GOLM2: variants seen among roughly 807,000 people sequenced by gnomAD.
The protein encoded by GOLM2 is golgi membrane protein 2.
GOLM2 carries 26 observed loss-of-function variants against 55.9 expected under a neutral mutation model. That is an observed-to-expected ratio of 0.47 (90% CI 0.34 to 0.65). GOLM2 has a LOEUF of 0.65. GOLM2 is among the 30% of genes least tolerant of loss of function. The pLI is 0.01. For missense variants in GOLM2, 486 were observed against 531.8 expected (o/e 0.91, Z 0.85); for synonymous variants, 165 against 194.6 (o/e 0.85, Z 1.27).
At chr15:44,332,205 G>T (rs769545205) in intron 4 of GOLM2, 127 bp downstream of exon 4, 15 of 558,284 alleles carry the variant, frequency 2.7e-5, no homozygotes, top group Middle Eastern at 4.9e-4. Context: ...AATTCCAAAA[G>T]TGATTTACAA....
intron 9 of GOLM2, among the ~76,000 whole-genome samples, chr15:44,404,180 A>G (rs2079583395): frequency 6.6e-6 from 1 of 152,180 alleles, no homozygotes; most frequent in Non-Finnish European, 1.5e-5. Context: ...TATGTGATAC[A>G]TGGAAATTTT....
At chr15:44,351,526 G>A (rs1246354320) in intron 6 of GOLM2, among the ~76,000 whole-genome samples, 1 of 141,598 alleles carries the variant, frequency 7.1e-6, no homozygotes, top group Non-Finnish European at 1.5e-5. Context: ...GCAGTGAGCT[G>A]AGATTGCGCC....
intron 6 of GOLM2, among the ~76,000 whole-genome samples, chr15:44,373,070 GTTTA>G (rs1306207624): frequency 1.3e-5 from 2 of 152,248 alleles, no homozygotes; most frequent in Admixed American, 6.5e-5. Context: ...TATAACTTTT[GTTTA>G]TTTATTCTTA....
chr15:44,340,953 A>G (rs1445074083), intron 6 of GOLM2, among the ~76,000 whole-genome samples: 3 of 152,208 alleles, frequency 2.0e-5, no homozygotes. Flanking sequence ...CACTCTATTC[A>G]GATATGAGCA....
chr15:44,400,580 T>A (rs937113751), intron 8 of GOLM2, among the ~76,000 whole-genome samples: 1 of 135,984 alleles, frequency 7.4e-6, no homozygotes, highest in African/African-American at 2.8e-5. Context: ...CCGCCTTTTT[T>A]TTTTTTTTTT....
chr15:44,303,258 G>A (rs2078812172), intron 1 of GOLM2, among the ~76,000 whole-genome samples: 1 of 152,124 alleles, frequency 6.6e-6, no homozygotes, highest in Non-Finnish European at 1.5e-5. Flanking sequence ...ACCAACGGGT[G>A]CATAAATATG....
At chr15:44,314,106 G>A (rs551772287) in intron 1 of GOLM2, among the ~76,000 whole-genome samples, 4 of 151,664 alleles carry the variant, frequency 2.6e-5, no homozygotes, top group East Asian at 1.9e-4. Context: ...GTGTTGTGGC[G>A]GGCGCCTGTA....
At chr15:44,329,942 G>A (rs1242849422) in intron 3 of GOLM2, among the ~76,000 whole-genome samples, 2 of 139,416 alleles carry the variant, frequency 1.4e-5, no homozygotes, top group South Asian at 2.3e-4. Context: ...CACGTCTCTC[G>A]CTCTGTCGCC....
chr15:44,294,697 G>A (rs1555420318), intron 1 of GOLM2, among the ~76,000 whole-genome samples: 1 of 143,736 alleles, frequency 7.0e-6, no homozygotes, highest in Non-Finnish European at 1.5e-5. Flanking sequence ...CTGGAGGACA[G>A]CGAGACTCCA....
At chr15:44,330,820 A>G (rs2079018134) in intron 3 of GOLM2, among the ~76,000 whole-genome samples, 1 of 152,178 alleles carries the variant, frequency 6.6e-6, no homozygotes, top group Non-Finnish European at 1.5e-5. Flanking sequence ...AGAATGATTT[A>G]CCAGTTTTGT....
chr15:44,401,829 C>CTTTT (rs754956674), intron 8 of GOLM2, among the ~76,000 whole-genome samples: 1 of 119,692 alleles, frequency 8.4e-6, no homozygotes, highest in Non-Finnish European at 1.8e-5. Context: ...TTCTTGATTT[C>CTTTT]TTTTTTTTTT....
chr15:44,373,435 C>G (rs540681422), intron 6 of GOLM2, among the ~76,000 whole-genome samples: 1 of 133,232 alleles, frequency 7.5e-6, no homozygotes, highest in Admixed American at 7.9e-5. Context: ...CCAGCCTGGG[C>G]GACAGAGCGA....
At chr15:44,380,608 C>T (rs2079394782) in intron 7 of GOLM2, among the ~76,000 whole-genome samples, 198 bp from the exon 8 acceptor site, 1 of 150,606 alleles carries the variant, frequency 6.6e-6, no homozygotes, top group Non-Finnish European at 1.5e-5. Context: ...AGTAAACTTC[C>T]CACAGCTAAA....
chr15:44,400,851 G>A (rs1172214034), intron 8 of GOLM2, among the ~76,000 whole-genome samples: 3 of 151,654 alleles, frequency 2.0e-5, no homozygotes, highest in African/African-American at 4.8e-5. Context: ...CTGGGATTAC[G>A]GGCGTGAGCC....
chr15:44,408,704 C>T (rs1171115641), intron 9 of GOLM2, among the ~76,000 whole-genome samples: 2 of 152,194 alleles, frequency 1.3e-5, no homozygotes, highest in South Asian at 2.1e-4. Context: ...AAGGGCCAGG[C>T]GCGGTGGTTC....
At chr15:44,298,394 G>A (rs929559956) in intron 1 of GOLM2, among the ~76,000 whole-genome samples, 1 of 150,054 alleles carries the variant, frequency 6.7e-6, no homozygotes, top group African/African-American at 2.5e-5. Context: ...CTCCCAAGTA[G>A]CTGGGATTAT....
At chr15:44,369,067 T>TATATA (rs1555424961) in intron 6 of GOLM2, among the ~76,000 whole-genome samples, 29 of 22,978 alleles carry the variant, frequency 1.3e-3, no homozygotes, top group African/African-American at 2.8e-3. Context: ...ATAGGATATA[T>TATATA]TATATATATA....
intron 4 of GOLM2, among the ~76,000 whole-genome samples, chr15:44,336,129 T>TTAATACCTCAGTTTTG (rs2079055050): frequency 1.3e-5 from 2 of 149,954 alleles, no homozygotes; most frequent in East Asian, 2.0e-4. Context: ...ACTTAACTTT[T>TTAATACCTCAGTTTTG]TCTATTTAAT....
intron 6 of GOLM2, chr15:44,348,457 CAG>C (rs1469839836): frequency 6.6e-6 from 1 of 152,152 alleles, no homozygotes; most frequent in Non-Finnish European, 1.5e-5. Context: ...GTGGTGGACA[CAG>C]GGAGAGACTG....
Sources: gnomAD v4.1 joint callset for allele counts (sites outside exome capture counted in the v4.1 genomes callset) on GRCh38, gnomAD v4.1.1 for gene constraint, MANE v1.5 for transcripts, NCBI Gene and HGNC (gene_info 2026-07-23, HGNC 2026-07-21) for gene names.